Variants in STAG1 observed in about 807,000 individuals in gnomAD.
STAG1 encodes the protein cohesin subunit SA-1.
A neutral mutation model predicts 170.9 loss-of-function variants in STAG1; 26 were observed. That is an observed-to-expected ratio of 0.15 (90% CI 0.11 to 0.21). The LOEUF is 0.21. Among genes scored for constraint, STAG1 ranks in the 10% least tolerant of loss-of-function variants. The pLI is 1.00. For synonymous variants in STAG1, 514 were observed against 497.7 expected, an observed-to-expected ratio of 1.03 and a Z score of -0.44; for missense variants, 964 against 1,509.5, an observed-to-expected ratio of 0.64 and a Z score of 5.99.
At position 136,343,877 on chromosome 3, in the gene STAG1, T is replaced by G. The variant is rs1381188958; in HGVS notation, c.3401A>C (p.Gln1134Pro). ...ENSRPMGDQI[Q>P]EPESEHGSEP... is the part of the protein sequence containing the mutation. ...AGAACCATGTTCAGACTCAGGTTCT[T>G]GAATCTGGTCTCCCATGGGCCGACT... The change falls in exon 30 of 34, where the codon CAA becomes CCA. Residue 1134 changes from glutamine (Q) to proline (P), a missense_variant. Gln to Pro is a moderately conservative substitution (Grantham distance 76). This residue lies in a region of STAG1 where 122 missense variants were observed against 129.0 expected (regional missense o/e 0.95). Transcript: ENST00000383202. 6 of 1,599,246 alleles carry G rather than the reference T, an allele frequency of 3.8e-6. No individual in the cohort carries two copies. The highest frequency in any genetic ancestry group is 3.3e-4 in the Middle Eastern group (2 of 6,024).
At chr3:136,562,156 CGT>C (rs1342997142) in intron 5 of STAG1, among the ~76,000 whole-genome samples, 2 of 152,292 alleles carry the variant, frequency 1.3e-5, no homozygotes, top group East Asian at 3.9e-4. Flanking sequence ...TAAGATTTCA[CGT>C]GTCTCAATAA....
At chr3:136,640,335 T>A (rs1408420551) in intron 1 of STAG1, among the ~76,000 whole-genome samples, 1 of 152,132 alleles carries the variant, frequency 6.6e-6, no homozygotes, top group Non-Finnish European at 1.5e-5. Context: ...ATTTGTGAGT[T>A]CTTCTCAAAA....
At chr3:136,697,037 T>C (rs1942914706) in intron 1 of STAG1, among the ~76,000 whole-genome samples, 2 of 152,204 alleles carry the variant, frequency 1.3e-5, no homozygotes, top group African/African-American at 4.8e-5. Context: ...GGAGGAACGT[T>C]TGTTGTCTTT....
chr3:136,602,162 C>T (rs1453914709), intron 4 of STAG1, among the ~76,000 whole-genome samples: 3 of 151,722 alleles, frequency 2.0e-5, no homozygotes, highest in Non-Finnish European at 2.9e-5. Flanking sequence ...GGGCGGATCA[C>T]GAGGTCAGGA....
At chr3:136,443,470 G>T in intron 14 of STAG1, 66 bp from the exon 15 acceptor site, 1 of 1,113,128 alleles carries the variant, frequency 9.0e-7, no homozygotes, top group Non-Finnish European at 1.3e-6. Flanking sequence ...ACTAATTTGA[G>T]TTAAGAAATC....
At chr3:136,751,497 G>A (rs371831067) in intron 1 of STAG1, among the ~76,000 whole-genome samples, 6 of 152,088 alleles carry the variant, frequency 3.9e-5, no homozygotes, top group African/African-American at 1.2e-4. Context: ...TAGCGGGGCA[G>A]TGCTTAGGCC....
chr3:136,422,059 A>T lies in STAG1; in HGVS notation c.2037+351T>A, dbSNP rs1194880317. The stretch of plus-strand genomic sequence containing the variant: ...CTACTCAAGAGGCTGAGGCAGGAGA[A>T]TCACTTGAACCTGGGAGGCGGAGGT... On this transcript the variant is annotated intron_variant, in intron 19 of 33. Coordinates refer to ENST00000383202, the MANE Select transcript of STAG1 (RefSeq NM_005862.3). Among the ~76,000 whole-genome samples the T allele has an allele frequency of 3.3e-5, 5 of 152,036 alleles. No individual in the cohort carries two copies. In the South Asian group the frequency reaches 1.0e-3, roughly 32 times the overall value.
At chr3:136,604,685 C>T (rs1157877982) in intron 3 of STAG1, among the ~76,000 whole-genome samples, 1 of 152,158 alleles carries the variant, frequency 6.6e-6, no homozygotes, top group South Asian at 2.1e-4. Context: ...GAGTCTTGCT[C>T]TGTCGCCCAG....
intron 13 of STAG1, among the ~76,000 whole-genome samples, chr3:136,452,866 T>G (rs1202268876): frequency 6.6e-6 from 1 of 152,120 alleles, no homozygotes; most frequent in Non-Finnish European, 1.5e-5. Context: ...CTCGGCTCAC[T>G]GCAACCTCTG....
intron 1 of STAG1, among the ~76,000 whole-genome samples, chr3:136,636,104 C>G (rs1433065527): frequency 6.6e-6 from 1 of 151,876 alleles, no homozygotes; most frequent in Non-Finnish European, 1.5e-5. Flanking sequence ...AAAAATTAGC[C>G]AGCCATGGTG....
intron 1 of STAG1, among the ~76,000 whole-genome samples, chr3:136,729,552 A>G (rs932371026): frequency 8.7e-5 from 13 of 149,852 alleles, no homozygotes; most frequent in African/African-American, 3.2e-4. Flanking sequence ...TGAAATATCT[A>G]CAACATCTGT....
At chr3:136,688,080 T>TG (rs1942597661) in intron 1 of STAG1, among the ~76,000 whole-genome samples, 1 of 152,152 alleles carries the variant, frequency 6.6e-6, no homozygotes, top group African/African-American at 2.4e-5. Flanking sequence ...CATCTTGGGA[T>TG]GACAGTATAC....
intron 1 of STAG1, among the ~76,000 whole-genome samples, chr3:136,657,189 C>CTTTTTTTTTTTTTTT (rs67826395): frequency 3.3e-5 from 3 of 92,258 alleles, no homozygotes; most frequent in Non-Finnish European, 6.3e-5. Context: ...TTCTTTCTTT[C>CTTTTTTTTTTTTTTT]TTTTTTTTTT....
intron 1 of STAG1, among the ~76,000 whole-genome samples, chr3:136,696,846 G>T (rs1053498551): frequency 6.6e-6 from 1 of 152,090 alleles, no homozygotes; most frequent in Non-Finnish European, 1.5e-5. Context: ...AAGAAAACAG[G>T]TCACTGTTGC....
chr3:136,498,259 CACACACACACACACCACACACACAT>C (rs1933252964), intron 9 of STAG1, among the ~76,000 whole-genome samples: 1 of 88,794 alleles, frequency 1.1e-5, no homozygotes, highest in Non-Finnish European at 2.2e-5. Flanking sequence ...TACACACACA[CACACACACACACACCACACACACAT>C]ACACACACAC....
intron 1 of STAG1, among the ~76,000 whole-genome samples, chr3:136,662,156 T>A (rs1941605474): frequency 6.6e-6 from 1 of 151,096 alleles, no homozygotes; most frequent in Non-Finnish European, 1.5e-5. Context: ...TTAGACTCTT[T>A]TTTTTTTTTT....
chr3:136,596,257 T>G (rs1394559899), intron 4 of STAG1, among the ~76,000 whole-genome samples: 1 of 152,230 alleles, frequency 6.6e-6, no homozygotes, highest in Non-Finnish European at 1.5e-5. Flanking sequence ...GAAACTTCAT[T>G]GTTGTCTTGT....
intron 1 of STAG1, among the ~76,000 whole-genome samples, chr3:136,738,413 C>T (rs1934471124): frequency 6.6e-6 from 1 of 152,210 alleles, no homozygotes; most frequent in Non-Finnish European, 1.5e-5. Flanking sequence ...AACGCTTGAA[C>T]CCCGGAGGCA....
At chr3:136,548,974 A>G (rs1009877026) in intron 5 of STAG1, among the ~76,000 whole-genome samples, 1 of 151,938 alleles carries the variant, frequency 6.6e-6, no homozygotes, top group African/African-American at 2.4e-5. Flanking sequence ...TTCCCTTCTA[A>G]TTCTGCCATG....
Sources: gnomAD v4.1 joint callset for allele counts (sites outside exome capture counted in the v4.1 genomes callset) on GRCh38, gnomAD v4.1.1 for gene constraint, gnomAD v4.1.1 regional missense constraint, MANE v1.5 for transcripts, NCBI Gene and HGNC (gene_info 2026-07-23, HGNC 2026-07-21) for gene names.